NEAT1: variants seen among roughly 807,000 people sequenced by gnomAD.
NEAT1 encodes the protein MENepsilon/beta.
At chr11:65,431,312 T>A (rs1365628127) in exon 1 of NEAT1, 2 of 152,250 alleles carry the variant, frequency 1.3e-5, no homozygotes, top group Non-Finnish European at 2.9e-5. Context: ...TTTTGGCTAT[T>A]GTAAATAATG....
At chr11:65,434,229 T>C (rs1365687606) in exon 1 of NEAT1, 2 of 152,134 alleles carry the variant, frequency 1.3e-5, no homozygotes, top group Non-Finnish European at 2.9e-5. Context: ...TCAGTGTCCT[T>C]GTAGAAGTGA....
exon 1 of NEAT1, chr11:65,423,643 T>C (rs1856526111): frequency 6.6e-6 from 1 of 152,312 alleles, no homozygotes; most frequent in African/African-American, 2.4e-5. Flanking sequence ...GTGCTCCTTT[T>C]GGACTTTTCT....
At chr11:65,436,500 T>C (rs1856658878) in exon 1 of NEAT1, 1 of 152,260 alleles carries the variant, frequency 6.6e-6, no homozygotes, top group African/African-American at 2.4e-5. Flanking sequence ...GGTGATTCAG[T>C]GGCATCTTTC....
chr11:65,440,772 G>A (rs1016804113), exon 1 of NEAT1: 3 of 150,652 alleles, frequency 2.0e-5, no homozygotes, highest in African/African-American at 4.9e-5. Flanking sequence ...GAACCCAGGA[G>A]GCGGAGGTTA....
exon 1 of NEAT1, chr11:65,444,342 G>A (rs1339378871): frequency 2.3e-6 from 1 of 439,220 alleles, no homozygotes; most frequent in African/African-American, 2.1e-5. Flanking sequence ...AAGTTGTGGA[G>A]AAATGGGGGG....
exon 1 of NEAT1, chr11:65,443,697 G>A (rs1399328590): frequency 6.6e-6 from 1 of 152,180 alleles, no homozygotes; most frequent in African/African-American, 2.4e-5. Flanking sequence ...GCAGCTTTTG[G>A]TTTGCAACCC....
At chr11:65,440,209 G>A (rs1051014646) in exon 1 of NEAT1, 4 of 151,288 alleles carry the variant, frequency 2.6e-5, no homozygotes, top group Non-Finnish European at 4.4e-5. Context: ...ATCATCTGAT[G>A]ATGAACTTAA....
chr11:65,430,271 G>A (rs982963397), exon 1 of NEAT1: 2 of 152,500 alleles, frequency 1.3e-5, no homozygotes, highest in African/African-American at 2.4e-5. Flanking sequence ...TTCCTCCTGG[G>A]CCCCTCTCCC....
chr11:65,424,464 A>G (rs1356867068), exon 1 of NEAT1: 1 of 152,222 alleles, frequency 6.6e-6, no homozygotes, highest in Non-Finnish European at 1.5e-5. Context: ...GAGCTTGCAG[A>G]TGGAGCCCCG....
exon 1 of NEAT1, chr11:65,424,236 C>T (rs1856537457): frequency 6.6e-6 from 1 of 152,260 alleles, no homozygotes; most frequent in African/African-American, 2.4e-5. Flanking sequence ...GCATCCGGCT[C>T]GAGGGGCCAT....
At chr11:65,443,684 A>G (rs1156329890) in exon 1 of NEAT1, 1 of 152,198 alleles carries the variant, frequency 6.6e-6, no homozygotes, top group East Asian at 1.9e-4. Context: ...TCTATACCTC[A>G]AGGCAGCTTT....
chr11:65,423,512 A>T (rs1214136223), exon 1 of NEAT1: 1 of 152,246 alleles, frequency 6.6e-6, no homozygotes, highest in East Asian at 1.9e-4. Flanking sequence ...ATGTGGAGTT[A>T]AGGCGCCATC....
chr11:65,438,283 A>G (rs145660024), exon 1 of NEAT1: 2 of 152,288 alleles, frequency 1.3e-5, no homozygotes, highest in East Asian at 3.9e-4. Flanking sequence ...GCTAATAGAC[A>G]TTGTAAATCT....
At position 65,429,555 on chromosome 11, in the gene NEAT1, T is replaced by G. The variant is rs368645161; in HGVS notation, n.6758T>G. ...AATTCCTAGTCATTTTTCTATTGAT[T>G]GTTTTGCAAAAGCCATTTACATCTT... On this transcript the variant is annotated non_coding_transcript_exon_variant, in exon 1 of 1. Transcript: ENST00000501122. 20 of 152,146 alleles carry G rather than the reference T, an allele frequency of 1.3e-4. No individual in the cohort carries two copies. In the East Asian group the frequency reaches 3.1e-3, roughly 23 times the overall value. The allele number at this position is 152,146 out of a possible 1,614,324, so 9.4% of individuals were successfully genotyped here. A position where few individuals can be genotyped will look rare whatever the true frequency, so the allele number is the denominator to read the frequency against.
At chr11:65,425,197 A>G (rs1166428358) in exon 1 of NEAT1, 2 of 152,238 alleles carry the variant, frequency 1.3e-5, no homozygotes, top group Non-Finnish European at 2.9e-5. Context: ...CTTTAAGTGC[A>G]AACAGACAAA....
exon 1 of NEAT1, chr11:65,438,620 G>A (rs185307913): frequency 2.6e-5 from 4 of 152,288 alleles, no homozygotes; most frequent in African/African-American, 4.8e-5. Flanking sequence ...CCTATTCTAG[G>A]GGCCTCATAT....
At chr11:65,440,863 A>T (rs1227425786) in exon 1 of NEAT1, 1 of 151,846 alleles carries the variant, frequency 6.6e-6, no homozygotes, top group Non-Finnish European at 1.5e-5. Flanking sequence ...AAAAAAAAAA[A>T]ACCAAGAAGA....
At chr11:65,444,163 G>T (rs887281317) in exon 1 of NEAT1, 1 of 284,666 alleles carries the variant, frequency 3.5e-6, no homozygotes, top group Middle Eastern at 1.2e-3. Flanking sequence ...TGAGCAAAGT[G>T]GGGGAGGGGG....
At chr11:65,427,248 G>T in exon 1 of NEAT1, 1 of 152,522 alleles carries the variant, frequency 6.6e-6, no homozygotes, top group Non-Finnish European at 1.5e-5. Context: ...AACTTTGGGC[G>T]TAGAATGGAA....
Sources: gnomAD v4.1 joint callset for allele counts on GRCh38, gnomAD v4.1.1 for gene constraint, MANE v1.5 for transcripts, NCBI Gene and HGNC (gene_info 2026-07-23, HGNC 2026-07-21) for gene names.